The following DCC variants were observed in gnomAD, a reference collection of about 807,000 sequenced individuals.
DCC encodes the protein netrin receptor DCC.
DCC carries 58 observed loss-of-function variants against 172.5 expected under a neutral mutation model. The observed-to-expected ratio is 0.34, with a 90% confidence interval of 0.27 to 0.42. The LOEUF is 0.42. Among genes scored for constraint, DCC ranks in the 10% least tolerant of loss-of-function variants. The probability of loss-of-function intolerance (pLI) is 1.00; values close to 1 mark genes in which losing one functional copy is unlikely to be tolerated. For missense variants in DCC, 1,740 were observed against 1,791.0 expected, an observed-to-expected ratio of 0.97 and a Z score of 0.51; for synonymous variants, 709 against 644.5, an observed-to-expected ratio of 1.10 and a Z score of -1.52.
intron 13 of DCC, among the ~76,000 whole-genome samples, chr18:53,310,044 A>T (rs11873021): frequency 1.3e-5 from 2 of 149,856 alleles, no homozygotes; most frequent in African/African-American, 2.4e-5. Context: ...TATACTTAAA[A>T]TTTTTTTGAG....
intron 1 of DCC, among the ~76,000 whole-genome samples, chr18:52,459,353 C>T (rs1405419872): frequency 1.3e-5 from 2 of 152,102 alleles, no homozygotes; most frequent in Non-Finnish European, 2.9e-5. Flanking sequence ...CTCCTCCCAC[C>T]CTCCACCCTC....
chr18:52,803,480 A>G (rs1401616087), intron 2 of DCC, among the ~76,000 whole-genome samples: 1 of 152,186 alleles, frequency 6.6e-6, no homozygotes, highest in Non-Finnish European at 1.5e-5. Flanking sequence ...GAACGGTGCC[A>G]TGTACTGTCT....
chr18:53,517,304 G>T (rs1025838091), intron 27 of DCC, among the ~76,000 whole-genome samples: 1 of 151,420 alleles, frequency 6.6e-6, no homozygotes, highest in Non-Finnish European at 1.5e-5. Context: ...GTTGTGGGGT[G>T]GGGGGAGGCG....
chr18:53,154,029 T>C (rs1483887729), intron 7 of DCC, among the ~76,000 whole-genome samples: 3 of 152,226 alleles, frequency 2.0e-5, no homozygotes, highest in Non-Finnish European at 4.4e-5. Flanking sequence ...TGCAAGCCTC[T>C]GCCCGAAGGT....
chr18:53,465,391 T>C (rs1183116491), intron 24 of DCC, among the ~76,000 whole-genome samples: 3 of 152,182 alleles, frequency 2.0e-5, no homozygotes, highest in African/African-American at 7.2e-5. Flanking sequence ...CTTTTAGCAC[T>C]TGAAAAATGT....
At chr18:52,512,381 A>G (rs971479852) in intron 1 of DCC, among the ~76,000 whole-genome samples, 19 of 152,182 alleles carry the variant, frequency 1.2e-4, no homozygotes, top group Admixed American at 1.1e-3. Flanking sequence ...TCACATGATT[A>G]CATCTTATTA....
intron 9 of DCC, among the ~76,000 whole-genome samples, chr18:53,186,196 GA>G (rs2055280393): frequency 6.6e-6 from 1 of 152,298 alleles, no homozygotes; most frequent in South Asian, 2.1e-4. Flanking sequence ...TGCATAGAAA[GA>G]AAGCTAACTT....
chr18:52,355,132 A>C (rs7236297), intron 1 of DCC, among the ~76,000 whole-genome samples: 15,416 of 152,200 alleles, frequency 0.1, 836 homozygotes, highest in African/African-American at 0.11. Context: ...CCATTCCTGA[A>C]GACTTGAGTG....
chr18:52,954,042 G>C (rs984287030), intron 5 of DCC, among the ~76,000 whole-genome samples: 3 of 152,140 alleles, frequency 2.0e-5, no homozygotes, highest in Non-Finnish European at 2.9e-5. Flanking sequence ...GGGACACAGG[G>C]ATCTTTGAAT....
At chr18:53,252,165 T>C (rs2056444000) in intron 12 of DCC, among the ~76,000 whole-genome samples, 5 of 152,018 alleles carry the variant, frequency 3.3e-5, no homozygotes, top group Admixed American at 2.6e-4. Context: ...CACACTCTTA[T>C]ACTCTGTATT....
intron 2 of DCC, among the ~76,000 whole-genome samples, chr18:52,774,442 G>A (rs546709173): frequency 2.6e-5 from 4 of 152,296 alleles, no homozygotes; most frequent in East Asian, 1.9e-4. Context: ...TAATTCTATC[G>A]CTGTAGCTAC....
chr18:53,346,336 A>G (rs894413027), intron 15 of DCC, among the ~76,000 whole-genome samples: 2 of 152,106 alleles, frequency 1.3e-5, no homozygotes, highest in Non-Finnish European at 2.9e-5. Context: ...TTATGATTTC[A>G]CCAATTTTGG....
At chr18:52,349,592 A>C (rs1312347443) in intron 1 of DCC, among the ~76,000 whole-genome samples, 1 of 152,156 alleles carries the variant, frequency 6.6e-6, no homozygotes, top group African/African-American at 2.4e-5. Flanking sequence ...GCAGCATATC[A>C]GTTTTACTGT....
intron 12 of DCC, among the ~76,000 whole-genome samples, chr18:53,275,481 G>T (rs542142228): frequency 1.3e-5 from 2 of 152,136 alleles, no homozygotes; most frequent in African/African-American, 4.8e-5. Context: ...TCTTTAATTG[G>T]TTTTAAATTG....
chr18:53,113,349 G>C (rs1414032665), intron 7 of DCC, among the ~76,000 whole-genome samples: 1 of 151,296 alleles, frequency 6.6e-6, no homozygotes, highest in Non-Finnish European at 1.5e-5. Flanking sequence ...TACAGTGAGA[G>C]ACTTAGAGTG....
At chr18:52,979,489 T>C (rs987018922) in intron 5 of DCC, among the ~76,000 whole-genome samples, 2 of 152,202 alleles carry the variant, frequency 1.3e-5, no homozygotes, top group Non-Finnish European at 1.5e-5. Context: ...GCATGGATGT[T>C]GCTAACTCAC....
chr18:53,404,909 A>C (rs1183839875), intron 19 of DCC, among the ~76,000 whole-genome samples: 1 of 152,074 alleles, frequency 6.6e-6, no homozygotes, highest in African/African-American at 2.4e-5. Flanking sequence ...ACAGTGGAAA[A>C]ATAAAAGTAT....
intron 5 of DCC, among the ~76,000 whole-genome samples, chr18:52,937,917 A>C (rs116256239): frequency 0.014 from 2,072 of 152,204 alleles, 51 homozygotes; most frequent in African/African-American, 0.047. Context: ...TTCGGACTCT[A>C]AACTTTGTAC....
intron 25 of DCC, among the ~76,000 whole-genome samples, chr18:53,477,945 C>T (rs561849847): frequency 1.8e-4 from 27 of 152,088 alleles, no homozygotes; most frequent in African/African-American, 6.0e-4. Flanking sequence ...GTATAATGGC[C>T]AAAAATTATT....
Sources: gnomAD v4.1 joint callset for allele counts (sites outside exome capture counted in the v4.1 genomes callset) on GRCh38, gnomAD v4.1.1 for gene constraint, MANE v1.5 for transcripts, NCBI Gene and HGNC (gene_info 2026-07-23, HGNC 2026-07-21) for gene names.